OR6F1: variants seen among roughly 807,000 people sequenced by gnomAD.
OR6F1 encodes olfactory receptor 6F1.
For synonymous variants in OR6F1, 144 were observed against 150.0 expected (o/e 0.96, Z 0.29); for missense variants, 346 against 376.0 (o/e 0.92, Z 0.66).
In OR6F1 at chr1:247,712,214, A is replaced by C; in HGVS notation, c.542T>G (p.Ile181Ser). 6.2e-7 allele frequency: 1 copy of C among 1,614,218 alleles called. No homozygotes were observed. Among genetic ancestry groups the C allele is most frequent in the Non-Finnish European group, 8.5e-7 (1 of 1,180,030 alleles). ...PRAINHFFCD[I>S]APWIALACTN... is the part of the protein sequence containing the mutation. ...GCAGGCCAGGGCAATCCAGGGTGCA[A>C]TGTCACAGAAGAAGTGGTTGATGGC... Residue 181 changes from isoleucine (I) to serine (S), a missense_variant, in exon 3 of 3, where the codon ATT becomes AGT. Physicochemically the swap from Ile to Ser is moderately radical, Grantham distance 142 (BLOSUM62 -2). Transcript: ENST00000641470.
chr1:247,714,356 T>G (rs1206600116), intron 1 of OR6F1, among the ~76,000 whole-genome samples: 1 of 152,196 alleles, frequency 6.6e-6, no homozygotes, highest in Non-Finnish European at 1.5e-5. Flanking sequence ...CAACAGACCT[T>G]GCTTAAATAA....
At chr1:247,714,126 A>G (rs1660062564) in intron 1 of OR6F1, among the ~76,000 whole-genome samples, 172 bp from the exon 2 acceptor site, 1 of 152,174 alleles carries the variant, frequency 6.6e-6, no homozygotes. Context: ...GCTTTGCTTG[A>G]CTGGGTAATG....
chr1:247,715,887 A>G (rs1320276003), intron 1 of OR6F1, among the ~76,000 whole-genome samples: 1 of 152,100 alleles, frequency 6.6e-6, no homozygotes, highest in Non-Finnish European at 1.5e-5. Context: ...ATTGTTTCTT[A>G]CTCTCAGGAG....
At chr1:247,715,170 C>T (rs1208400126) in intron 1 of OR6F1, among the ~76,000 whole-genome samples, 1 of 152,240 alleles carries the variant, frequency 6.6e-6, no homozygotes, top group Non-Finnish European at 1.5e-5. Context: ...GGAGCCAAAG[C>T]ACTTTGAACT....
Position 247,711,813 on chromosome 1 carries a change from T to C in OR6F1, c.*16A>G, listed in dbSNP as rs916317413. On this transcript the variant is annotated 3_prime_UTR_variant, in exon 3 of 3. Coordinates refer to ENST00000641470, the MANE Select transcript of OR6F1 (RefSeq NM_001005286.2). ...GCAGAGACCATTTACAGGACATCTG[T>C]TGTGGTAGAGGAGATTTATTTTCCC... 3 of 1,546,300 alleles carry C rather than the reference T, an allele frequency of 1.9e-6. No individual in the cohort carries two copies.
chr1:247,712,625 G>A lies in OR6F1; in HGVS notation c.131C>T (p.Ala44Val). The A allele has an allele frequency of 6.2e-7, 1 of 1,613,786 alleles. No homozygotes were observed. Among genetic ancestry groups the A allele is most frequent in the Admixed American group, 1.7e-5 (1 of 60,018 alleles). ...MYILTVSGNV[A>V]ILMLVSTSHQ... ...GGAGGTGCTCACCAACATCAAGATA[G>A]CCACATTACCACTAACTGTGAGGAT... Residue 44 changes from alanine (A) to valine (V), a missense_variant, in exon 3 of 3, where the codon GCT (alanine) becomes GTT (valine). Ala to Val is a moderately conservative substitution (Grantham distance 64). Coordinates refer to ENST00000641470, the MANE Select transcript of OR6F1 (RefSeq NM_001005286.2).
At position 247,713,011 on chromosome 1, in the gene OR6F1, G is replaced by A. The variant is rs139082020; in HGVS notation, c.-62-194C>T. ...TTTAGAAAACAAATGTGCAAAAAAC[G>A]TCAGCAATTCTGGAAAGACTGCACT... On this transcript the variant is annotated intron_variant, in intron 2 of 2. Transcript: ENST00000641470. Among the ~76,000 whole-genome samples the A allele has an allele frequency of 2.8e-3, 421 of 152,246 alleles. 3 individuals carry two copies. The highest frequency in any genetic ancestry group is 9.8e-3 in the African/African-American group (406 of 41,548).
chr1:247,714,025 A>G (rs1660059916), intron 1 of OR6F1, 71 bp from the exon 2 acceptor site: 1 of 398,438 alleles, frequency 2.5e-6, no homozygotes, highest in Non-Finnish European at 4.4e-6. Context: ...TTTTCATTTC[A>G]TATGTTTCCA....
chr1:247,711,985 G>A lies in OR6F1; in HGVS notation c.771C>T (p.Phe257=), dbSNP rs777051434. ...CTTTGATAGAGGTGCGGACGTGAAG[G>A]AAAACTGTGGACCCATACCAAATGA... The part of the protein sequence containing the change: ...VVLIWYGSTV[F]LHVRTSIKDA... Residue 257 remains phenylalanine (F), a synonymous_variant, in exon 3 of 3, where the codon TTC becomes TTT. Coordinates refer to ENST00000641470, the MANE Select transcript of OR6F1 (RefSeq NM_001005286.2). 1.2e-6 allele frequency: 2 copies of A among 1,614,204 alleles called. No individual in the cohort carries two copies. Among genetic ancestry groups the A allele is most frequent in the African/African-American group, 1.3e-5 (1 of 75,058 alleles).
rs751375900 is a variant in OR6F1, at chr1:247,712,772, G to A, written c.-17C>T. ...TGTGTCCATTGTGGTACTGAAACCA[G>A]AAAACAGAGTCCCCGCACTGAGCCC... is the stretch of plus-strand genomic sequence containing the variant. On this transcript the variant is annotated 5_prime_UTR_variant, in exon 3 of 3. Transcript: ENST00000641470. 5.3e-6 allele frequency: 8 copies of A among 1,515,252 alleles called. No homozygotes were observed. The Admixed American group carries it at 1.4e-4, about 26-fold the overall frequency. 93.9% of individuals were successfully genotyped at this position (1,515,252 alleles called of 1,614,324 possible).
Position 247,712,216 on chromosome 1 carries a change from G to A in OR6F1, c.540C>T (p.Asp180=), listed in dbSNP as rs1348012615. 6.2e-7 allele frequency: 1 copy of A among 1,614,216 alleles called. No homozygotes were observed. Among genetic ancestry groups the A allele is most frequent in the Non-Finnish European group, 8.5e-7 (1 of 1,180,028 alleles). The change falls in exon 3 of 3, where the codon GAC becomes GAT. Residue 180 remains aspartate, a synonymous_variant. Transcript: ENST00000641470. ...AGGCCAGGGCAATCCAGGGTGCAAT[G>A]TCACAGAAGAAGTGGTTGATGGCAC... ...GPRAINHFFC[D]IAPWIALACT...
In OR6F1 at chr1:247,712,718, A is replaced by T; in HGVS notation, c.38T>A (p.Leu13His). The change falls in exon 3 of 3, where the codon CTC becomes CAC. Residue 13 changes from leucine to histidine, a missense_variant. Physicochemically the swap from Leu to His is moderately conservative, Grantham distance 99 (BLOSUM62 -3). Coordinates refer to ENST00000641470, the MANE Select transcript of OR6F1 (RefSeq NM_001005286.2). Reference protein sequence around the residue: ...TGNKTLPQDFLLLGFPGSQTL... With the variant: ...TGNKTLPQDFHLLGFPGSQTL... ...TTGAGAACCAGGAAAGCCCAGTAAG[A>T]GAAAGTCCTGGGGCAGAGTTTTGTT... is the stretch of plus-strand genomic sequence containing the variant. 7 of 1,607,414 alleles carry T rather than the reference A, an allele frequency of 4.4e-6. No homozygotes were observed. Among genetic ancestry groups the T allele is most frequent in the Non-Finnish European group, 5.1e-6 (6 of 1,179,796 alleles).
Position 247,712,302 on chromosome 1 carries a change from C to T in OR6F1, c.454G>A (p.Gly152Ser), listed in dbSNP as rs138812909. Residue 152 changes from glycine (G) to serine (S), a missense_variant, in exon 3 of 3, where the codon GGT becomes AGT. By Grantham distance (56) the Gly-to-Ser change is moderately conservative. Coordinates refer to ENST00000641470, the MANE Select transcript of OR6F1 (RefSeq NM_001005286.2). Reference protein sequence around the residue: ...AQLALGSWVCGFVAIAVPTAL... With the variant: ...AQLALGSWVCSFVAIAVPTAL... ...GTGGGCACTGCAATGGCCACGAAAC[C>T]ACACACCCAGGAGCCCAGGGCCAGC... is the stretch of plus-strand genomic sequence containing the variant. 87 of 1,614,164 alleles carry T rather than the reference C, an allele frequency of 5.4e-5. No homozygotes were observed. The African/African-American group carries it at 9.2e-4, about 17-fold the overall frequency.
chr1:247,714,458 A>C (rs928385979), intron 1 of OR6F1, among the ~76,000 whole-genome samples: 2 of 149,986 alleles, frequency 1.3e-5, no homozygotes, highest in African/African-American at 4.8e-5. Context: ...TTCTCTACAA[A>C]TTTATTGTAT....
rs762749484 is a variant in OR6F1, at chr1:247,711,831, AT to A, written c.924del (p.Lys308AsnfsTer23). ...RETLLKKWKGK is the reference protein window; with the variant it reads ...RETLLKKWKGX The stretch of plus-strand genomic sequence containing the variant: ...ACATCTGTTGTGGTAGAGGAGATTT[AT>A]TTTCCCTTCCATTTCTTCAGCAGAG... On this transcript the variant is annotated frameshift_variant, in exon 3 of 3. Coordinates refer to ENST00000641470, the MANE Select transcript of OR6F1 (RefSeq NM_001005286.2). LOFTEE classifies it high-confidence loss of function. The A allele has an allele frequency of 6.2e-7, 1 of 1,601,362 alleles. No individual in the cohort carries two copies. The highest frequency in any genetic ancestry group is 8.6e-7 in the Non-Finnish European group (1 of 1,169,024).
intron 1 of OR6F1, among the ~76,000 whole-genome samples, chr1:247,714,354 C>T (rs1253138326): frequency 6.6e-6 from 1 of 152,144 alleles, no homozygotes; most frequent in Non-Finnish European, 1.5e-5. Context: ...CTCAACAGAC[C>T]TTGCTTAAAT....
At chr1:247,714,467 A>G (rs1175779429) in intron 1 of OR6F1, among the ~76,000 whole-genome samples, 1 of 152,094 alleles carries the variant, frequency 6.6e-6, no homozygotes, top group Admixed American at 6.5e-5. Context: ...AATTTATTGT[A>G]TTTTTGTTAA....
At position 247,712,265 on chromosome 1, in the gene OR6F1, C is replaced by T; in HGVS notation, c.491G>A (p.Ser164Asn). The change falls in exon 3 of 3, where the codon AGT becomes AAT. Residue 164 changes from serine (S) to asparagine (N), a missense_variant. Coordinates refer to ENST00000641470, the MANE Select transcript of OR6F1 (RefSeq NM_001005286.2). ...ACGGGGGCCACAGAAGGACAGGCCA[C>T]TGATGAGGGCTGTGGGCACTGCAAT... ...VAIAVPTALI[S>N]GLSFCGPRAI... 6.2e-7 allele frequency: 1 copy of T among 1,614,214 alleles called. No individual in the cohort carries two copies. Among genetic ancestry groups the T allele is most frequent in the Non-Finnish European group, 8.5e-7 (1 of 1,180,028 alleles).
chr1:247,715,781 AT>A (rs1660094830), intron 1 of OR6F1, among the ~76,000 whole-genome samples: 1 of 152,110 alleles, frequency 6.6e-6, no homozygotes, highest in Non-Finnish European at 1.5e-5. Flanking sequence ...AGTAATTTTA[AT>A]TTCTTACATC....
Sources: gnomAD v4.1 joint callset for allele counts (sites outside exome capture counted in the v4.1 genomes callset) on GRCh38, gnomAD v4.1.1 for gene constraint, MANE v1.5 for transcripts, NCBI Gene and HGNC (gene_info 2026-07-23, HGNC 2026-07-21) for gene names.